The following NBAS variants were observed in gnomAD, a reference collection of about 807,000 sequenced individuals.
The protein encoded by NBAS is NBAS subunit of NRZ tethering complex.
Under a neutral mutation model 302.5 loss-of-function variants are expected in NBAS, and 219 were observed. That is an observed-to-expected ratio of 0.72 (90% CI 0.65 to 0.81). The LOEUF is 0.81. Ranked by LOEUF, NBAS falls within the 30% of genes least tolerant of loss-of-function variation. The pLI, the probability that NBAS is intolerant of heterozygous loss-of-function variation, is 0.00. For synonymous variants in NBAS, 1,118 were observed against 1,021.6 expected (o/e 1.09, Z -1.80); for missense variants, 2,932 against 2,841.6 (o/e 1.03, Z -0.72).
intron 21 of NBAS, among the ~76,000 whole-genome samples, chr2:15,434,371 A>C (rs895272091): frequency 6.6e-6 from 1 of 152,170 alleles, no homozygotes; most frequent in African/African-American, 2.4e-5. Context: ...GATTACCCTA[A>C]TTTTGAATAA....
chr2:15,068,471 A>T, the NBAS span, among the ~76,000 whole-genome samples: 1 of 152,224 alleles, frequency 6.6e-6, no homozygotes. Flanking sequence ...CTAGACCAGG[A>T]TGAGAGGCAA....
chr2:15,205,755 G>C (rs1666110822), intron 48 of NBAS, among the ~76,000 whole-genome samples: 1 of 152,150 alleles, frequency 6.6e-6, no homozygotes. Flanking sequence ...AGATCTGGTT[G>C]TTTGATAAGT....
chr2:15,331,091 A>ATACTCATAT (rs1672322454), intron 35 of NBAS, among the ~76,000 whole-genome samples: 1 of 152,188 alleles, frequency 6.6e-6, no homozygotes, highest in East Asian at 1.9e-4. Context: ...TAACCATGAG[A>ATACTCATAT]TACTCATATT....
intron 12 of NBAS, among the ~76,000 whole-genome samples, chr2:15,486,118 T>A (rs981564670): frequency 6.6e-6 from 1 of 152,014 alleles, no homozygotes; most frequent in Non-Finnish European, 1.5e-5. Flanking sequence ...AGAGCCACAA[T>A]GGGAATGGTA....
intron 7 of NBAS, among the ~76,000 whole-genome samples, chr2:15,538,139 A>C (rs1312992745): frequency 6.6e-6 from 1 of 152,242 alleles, no homozygotes; most frequent in Non-Finnish European, 1.5e-5. Flanking sequence ...AGTATTAAAT[A>C]AATTTCACCT....
In NBAS at chr2:15,497,825, C is replaced by T. The variant is rs1363050675; in HGVS notation, c.954+6320G>A. Among the ~76,000 whole-genome samples the T allele has an allele frequency of 2.0e-5, 3 of 152,060 alleles. No individual in the cohort carries two copies. The South Asian group carries it at 6.2e-4, about 32-fold the overall frequency. The stretch of plus-strand genomic sequence containing the variant: ...CACAGAGCACACATTTAATTTGCTC[C>T]TAGTAACACCTATGAGTAGGTATTG... On this transcript the variant is annotated intron_variant, in intron 11 of 51. Transcript: ENST00000281513.
the NBAS span, among the ~76,000 whole-genome samples, chr2:14,956,510 C>T: frequency 2.0e-5 from 3 of 152,176 alleles, no homozygotes; most frequent in Non-Finnish European, 4.4e-5. Context: ...TCTCATGATG[C>T]TATAAGGACA....
At chr2:15,527,414 C>G (rs915420391) in intron 9 of NBAS, among the ~76,000 whole-genome samples, 1 of 152,158 alleles carries the variant, frequency 6.6e-6, no homozygotes, top group Non-Finnish European at 1.5e-5. Flanking sequence ...AACCTATTTT[C>G]TCACAGTTCT....
intron 9 of NBAS, among the ~76,000 whole-genome samples, chr2:15,534,333 C>A (rs1482690088): frequency 6.6e-6 from 1 of 152,120 alleles, no homozygotes; most frequent in Non-Finnish European, 1.5e-5. Flanking sequence ...ATTGAATATT[C>A]CCAGTGCCCC....
chr2:15,503,434 A>C (rs900656385), intron 11 of NBAS, among the ~76,000 whole-genome samples: 2 of 152,194 alleles, frequency 1.3e-5, no homozygotes, highest in African/African-American at 4.8e-5. Flanking sequence ...AAAGAAACTG[A>C]AGCAGTGAAA....
chr2:14,946,859 A>T, the NBAS span, among the ~76,000 whole-genome samples: 2 of 152,240 alleles, frequency 1.3e-5, no homozygotes, highest in Non-Finnish European at 2.9e-5. Context: ...AAAAAAATCA[A>T]TAACAAGAGA....
At chr2:15,275,380 A>T in intron 44 of NBAS, 104 bp downstream of exon 44, 3 of 1,295,092 alleles carry the variant, frequency 2.3e-6, no homozygotes, top group Non-Finnish European at 3.2e-6. Flanking sequence ...GCCAACATGT[A>T]ATTATTTTCA....
Position 15,467,374 on chromosome 2 carries a change from A to G in NBAS, c.2052T>C (p.Cys684=). Residue 684 remains cysteine, a synonymous_variant, in exon 19 of 52, where the codon TGT becomes TGC. Coordinates refer to ENST00000281513, the MANE Select transcript of NBAS (RefSeq NM_015909.4). ...CTAAGTAGGTTAATAACTTCCGTCTACAACGGCAAAGTTCCTTTTGTTCCA... is the reference window on the plus strand; with the variant it reads ...CTAAGTAGGTTAATAACTTCCGTCTGCAACGGCAAAGTTCCTTTTGTTCCA... The part of the protein sequence containing the change: ...LTLEQKELCR[C]RRKLLTYLDR... The G allele has an allele frequency of 6.2e-7, 1 of 1,613,642 alleles. No homozygotes were observed. The highest frequency in any genetic ancestry group is 1.1e-5 in the South Asian group (1 of 91,076).
intron 28 of NBAS, among the ~76,000 whole-genome samples, chr2:15,388,501 G>C (rs1050468204): frequency 6.6e-6 from 1 of 152,130 alleles, no homozygotes; most frequent in Non-Finnish European, 1.5e-5. Context: ...TTGTGACATA[G>C]AGGAGTGACA....
At chr2:15,186,029 A>G (rs1196342310) in intron 50 of NBAS, among the ~76,000 whole-genome samples, 1 of 151,948 alleles carries the variant, frequency 6.6e-6, no homozygotes, top group Admixed American at 6.6e-5. Context: ...GCTGAAATTA[A>G]TATGTGCTTA....
At chr2:15,547,199 A>C (rs1212919826) in intron 6 of NBAS, among the ~76,000 whole-genome samples, 1 of 152,260 alleles carries the variant, frequency 6.6e-6, no homozygotes, top group Non-Finnish European at 1.5e-5. Flanking sequence ...GAAAAATATC[A>C]GAGTAGAACC....
chr2:15,007,589 T>C, the NBAS span, among the ~76,000 whole-genome samples: 6 of 152,314 alleles, frequency 3.9e-5, no homozygotes, highest in African/African-American at 7.2e-5. Context: ...TAAAGGTCCC[T>C]GTTAATAGCT....
chr2:15,311,993 T>C (rs1481065204), intron 38 of NBAS, among the ~76,000 whole-genome samples: 2 of 152,128 alleles, frequency 1.3e-5, no homozygotes, highest in Non-Finnish European at 2.9e-5. Flanking sequence ...CATCCCTGGG[T>C]CCCAAGTAAT....
rs1478644511 is a variant in NBAS at position 15,396,404 on chromosome 2, T to G, written c.3134+9A>C. On this transcript the variant is annotated intron_variant, in intron 27 of 51. Coordinates refer to ENST00000281513, the MANE Select transcript of NBAS (RefSeq NM_015909.4). ...CATGGAGAAAAAAAAAAACTGTCAT[T>G]TTTCTCACCTGAGAATTTGTTCCAG... 6.2e-7 allele frequency: 1 copy of G among 1,604,704 alleles called. No homozygotes were observed. The highest frequency in any genetic ancestry group is 8.5e-7 in the Non-Finnish European group (1 of 1,175,902).
Sources: allele counts gnomAD v4.1 joint callset (sites outside exome capture counted in the v4.1 genomes callset), GRCh38; gene constraint gnomAD v4.1.1; transcripts MANE v1.5; gene names NCBI Gene and HGNC (gene_info 2026-07-23, HGNC 2026-07-21).